Variants in TNFAIP8 observed in about 807,000 individuals in gnomAD.
The protein encoded by TNFAIP8 is tumor necrosis factor alpha-induced protein 8.
A neutral mutation model predicts 13.3 loss-of-function variants in TNFAIP8; 7 were observed. The observed-to-expected ratio is 0.52, with a 90% CI of 0.30 to 0.99. The LOEUF is 0.99. Among genes scored for constraint, TNFAIP8 ranks in the 50% least tolerant of loss-of-function variants. TNFAIP8 has a pLI of 0.07. For missense variants in TNFAIP8, 258 were observed against 236.9 expected (o/e 1.09, Z -0.58); for synonymous variants, 94 against 87.6 (o/e 1.07, Z -0.41).
chr5:119,371,261 G>A (rs923162688), intron 1 of TNFAIP8, among the ~76,000 whole-genome samples: 32 of 152,130 alleles, frequency 2.1e-4, no homozygotes, highest in Non-Finnish European at 4.4e-5. Context: ...ATGTTTCAAG[G>A]AAATAAAGGT....
chr5:119,382,031 A>G (rs375619558), intron 1 of TNFAIP8, among the ~76,000 whole-genome samples: 1 of 152,214 alleles, frequency 6.6e-6, no homozygotes, highest in East Asian at 1.9e-4. Context: ...TTCATAGGAG[A>G]CACATACATC....
At chr5:119,338,107 G>C (rs1367077054) in intron 1 of TNFAIP8, among the ~76,000 whole-genome samples, 1 of 150,708 alleles carries the variant, frequency 6.6e-6, no homozygotes, top group Non-Finnish European at 1.5e-5. Context: ...AGAGATCCCA[G>C]GGCAGACCTG....
intron 1 of TNFAIP8, among the ~76,000 whole-genome samples, chr5:119,279,270 C>T (rs1237323651): frequency 6.6e-6 from 1 of 152,230 alleles, no homozygotes; most frequent in Non-Finnish European, 1.5e-5. Flanking sequence ...ACTTGTGCTA[C>T]AGGGTGTTAC....
chr5:119,304,233 C>G (rs560833323), intron 1 of TNFAIP8, among the ~76,000 whole-genome samples: 3 of 152,094 alleles, frequency 2.0e-5, no homozygotes, highest in Non-Finnish European at 4.4e-5. Context: ...ATCCTCCTGC[C>G]GCAGCCTCCT....
chr5:119,295,624 G>C (rs1447717033), intron 1 of TNFAIP8, among the ~76,000 whole-genome samples: 1 of 151,952 alleles, frequency 6.6e-6, no homozygotes, highest in Non-Finnish European at 1.5e-5. Context: ...CTCTTTTTTG[G>C]TTCCATATGA....
chr5:119,351,528 T>G (rs957464052), upstream of TNFAIP8, among the ~76,000 whole-genome samples: 6 of 152,158 alleles, frequency 3.9e-5, no homozygotes, highest in Admixed American at 3.3e-4. Flanking sequence ...CGAACACATT[T>G]TAGGTGGGCT....
rs1420798355 is a variant in TNFAIP8 at position 119,394,230 on chromosome 5, A to G, written c.*849A>G. The G allele has an allele frequency of 1.3e-5, 2 of 152,090 alleles. No individual in the cohort carries two copies. Among genetic ancestry groups the G allele is most frequent in the Non-Finnish European group, 2.9e-5 (2 of 68,034 alleles). 9.4% of individuals were successfully genotyped at this position (152,090 alleles called of 1,614,324 possible). A position where few individuals can be genotyped will look rare whatever the true frequency, so the allele number is the denominator to read the frequency against. Reference sequence around the variant, plus strand: ...AATAAAAAGTAAGTAGCATTAAGAAAGGTAACAATCTTCATTCTACAGATG... The same window carrying G: ...AATAAAAAGTAAGTAGCATTAAGAAGGGTAACAATCTTCATTCTACAGATG... On this transcript the variant is annotated 3_prime_UTR_variant, in exon 2 of 2. Coordinates refer to ENST00000504771, the MANE Select transcript of TNFAIP8 (RefSeq NM_014350.4).
At chr5:119,377,717 G>A (rs768491192) in intron 1 of TNFAIP8, among the ~76,000 whole-genome samples, 5 of 151,940 alleles carry the variant, frequency 3.3e-5, no homozygotes, top group East Asian at 1.9e-4. Flanking sequence ...CAAACCCCTC[G>A]TTAGAACCTC....
rs2112883910 is a variant in TNFAIP8, at chr5:119,398,658, C to T, written c.*5277C>T. 1 of 148,596 alleles carries T rather than the reference C, an allele frequency of 6.7e-6. No homozygotes were observed. The highest frequency in any genetic ancestry group is 2.0e-4 in the East Asian group (1 of 4,912). 9.2% of individuals were successfully genotyped at this position (148,596 alleles called of 1,614,324 possible). ...TTACACCACTGCACTCCAGCCTGGG[C>T]AACAAGAGTGAGACTTTGTCTCAAA... On this transcript the variant is annotated 3_prime_UTR_variant, in exon 2 of 2. Transcript: ENST00000504771.
chr5:119,287,280 GTTT>G lies in TNFAIP8; in HGVS notation c.1+18391_1+18393del, dbSNP rs58452491. Among the ~76,000 whole-genome samples the G allele has an allele frequency of 1.9e-4, 21 of 109,236 alleles. 1 individual carries two copies. Among genetic ancestry groups the G allele is most frequent in the African/African-American group, 5.7e-4 (17 of 29,608 alleles). The allele number at this position is 109,236 out of a possible 152,430, so 71.7% of individuals were successfully genotyped here. On this transcript the variant is annotated intron_variant, in intron 1 of 1. Transcript: ENST00000274456. The stretch of plus-strand genomic sequence containing the variant: ...ATAGCTTCCAGGGGACAGTAACCAA[GTTT>G]TTTTTTTTTTTTTTTTTGCTTTTTT...
intron 1 of TNFAIP8, among the ~76,000 whole-genome samples, chr5:119,365,764 G>T (rs941440604): frequency 2.6e-5 from 4 of 152,128 alleles, no homozygotes; most frequent in Admixed American, 2.0e-4. Flanking sequence ...GAAATATCTA[G>T]AATGAAAATG....
intron 1 of TNFAIP8, among the ~76,000 whole-genome samples, chr5:119,307,021 CAATTTCAAATATGTTAAAATATG>C (rs1441452801): frequency 6.6e-6 from 1 of 152,062 alleles, no homozygotes; most frequent in African/African-American, 2.4e-5. Flanking sequence ...TGGTACAGCC[CAATTTCAAATATGTTAAAATATG>C]AAATGATGTA....
chr5:119,368,263 T>C (rs1751939019), intron 1 of TNFAIP8, among the ~76,000 whole-genome samples: 1 of 152,182 alleles, frequency 6.6e-6, no homozygotes, highest in South Asian at 2.1e-4. Flanking sequence ...TGACAGATAC[T>C]AACAGGTTTT....
chr5:119,294,491 G>A (rs1749101811), intron 1 of TNFAIP8, among the ~76,000 whole-genome samples: 1 of 152,114 alleles, frequency 6.6e-6, no homozygotes, highest in Non-Finnish European at 1.5e-5. Flanking sequence ...ATTCTGAATA[G>A]TGCCGCAATA....
chr5:119,288,714 A>G (rs961957885), intron 1 of TNFAIP8, among the ~76,000 whole-genome samples: 2 of 152,230 alleles, frequency 1.3e-5, no homozygotes, highest in African/African-American at 2.4e-5. Flanking sequence ...TCAATCTCTA[A>G]CCTCTTTTTT....
At chr5:119,318,007 T>C (rs1186864219) in intron 1 of TNFAIP8, among the ~76,000 whole-genome samples, 5 of 152,314 alleles carry the variant, frequency 3.3e-5, no homozygotes, top group African/African-American at 1.2e-4. Flanking sequence ...GTTTTTTTCT[T>C]GTATGCAGTT....
At chr5:119,370,867 TTA>T (rs1411093544) in intron 1 of TNFAIP8, among the ~76,000 whole-genome samples, 4 of 152,236 alleles carry the variant, frequency 2.6e-5, no homozygotes, top group Admixed American at 1.3e-4. Context: ...TGGGAGATTA[TTA>T]AGGCCTACAT....
Position 119,392,844 on chromosome 5 carries a change from C to A in TNFAIP8, c.60C>A (p.Asn20Lys). The A allele has an allele frequency of 6.4e-7, 1 of 1,551,718 alleles. No homozygotes were observed. ...EVATDVFNSK[N>K]LAVQAQKKIL... ...CCACAGATGTCTTTAATTCCAAAAACCTGGCCGTTCAGGCACAAAAGAAGA... is the reference window on the plus strand; with the variant it reads ...CCACAGATGTCTTTAATTCCAAAAAACTGGCCGTTCAGGCACAAAAGAAGA... Residue 20 changes from asparagine (N) to lysine (K), a missense_variant, in exon 2 of 2, where the codon AAC becomes AAA. By Grantham distance (94) the Asn-to-Lys change is moderately conservative. Coordinates refer to ENST00000504771, the MANE Select transcript of TNFAIP8 (RefSeq NM_014350.4).
chr5:119,288,263 C>T (rs539277849), intron 1 of TNFAIP8, among the ~76,000 whole-genome samples: 4 of 152,186 alleles, frequency 2.6e-5, no homozygotes, highest in Admixed American at 6.5e-5. Context: ...TTTATGGACA[C>T]TTGATATGTT....
Sources: gnomAD v4.1 joint callset for allele counts (sites outside exome capture counted in the v4.1 genomes callset) on GRCh38, gnomAD v4.1.1 for gene constraint, MANE v1.5 for transcripts, NCBI Gene and HGNC (gene_info 2026-07-23, HGNC 2026-07-21) for gene names.